The following GRM1 variants were observed in gnomAD, a reference collection of about 807,000 sequenced individuals.
The protein encoded by GRM1 is metabotropic glutamate receptor 1.
In GRM1, 33 loss-of-function variants were observed where a neutral mutation model predicts 90.9. The ratio of observed to expected loss-of-function variants is 0.36; its 90% CI spans 0.28 to 0.49. The LOEUF is 0.49. Among genes scored for constraint, GRM1 ranks in the 20% least tolerant of loss-of-function variants. The pLI, the probability that GRM1 is intolerant of heterozygous loss-of-function variation, is 0.99. For missense variants in GRM1, 1,190 were observed against 1,534.3 expected (o/e 0.78, Z 3.75); for synonymous variants, 700 against 613.2 (o/e 1.14, Z -2.09).
At chr6:146,324,398 G>C (rs1021248784) in intron 3 of GRM1, among the ~76,000 whole-genome samples, 2 of 151,984 alleles carry the variant, frequency 1.3e-5, no homozygotes, top group Non-Finnish European at 2.9e-5. Context: ...CCAGGGGAGT[G>C]AACAGTTCTC....
chr6:146,028,232 AGTGTGTGTGTGTGTGTGT>A (rs60190108), upstream of GRM1, among the ~76,000 whole-genome samples: 44 of 130,364 alleles, frequency 3.4e-4, no homozygotes, highest in Admixed American at 2.1e-3. Context: ...AGTGGAAGGG[AGTGTGTGTGTGTGTGTGT>A]GTGTGTGTGT....
intron 3 of GRM1, among the ~76,000 whole-genome samples, chr6:146,335,204 A>C (rs1396570067): frequency 6.6e-6 from 1 of 152,186 alleles, no homozygotes; most frequent in African/African-American, 2.4e-5. Context: ...AGGCTTCAAA[A>C]CTTGGCTGTG....
intron 1 of GRM1, among the ~76,000 whole-genome samples, chr6:146,086,885 AT>A (rs1238088787): frequency 1.3e-5 from 2 of 152,108 alleles, no homozygotes; most frequent in Non-Finnish European, 2.9e-5. Flanking sequence ...CAGGAATGTT[AT>A]TCAGGGAGAT....
At chr6:146,178,960 G>T (rs569252703) in intron 2 of GRM1, among the ~76,000 whole-genome samples, 2 of 152,196 alleles carry the variant, frequency 1.3e-5, no homozygotes, top group African/African-American at 4.8e-5. Flanking sequence ...CTGGGCTGGT[G>T]GTATAAGAAT....
chr6:146,397,484 G>GAAAAAAA (rs577471775), intron 6 of GRM1, among the ~76,000 whole-genome samples: 30 of 45,020 alleles, frequency 6.7e-4, no homozygotes, highest in Non-Finnish European at 9.0e-4. Flanking sequence ...AAAAAAAAAA[G>GAAAAAAA]AAAAAAAAAA....
At chr6:146,035,900 A>G (rs1327256039) in intron 1 of GRM1, among the ~76,000 whole-genome samples, 1 of 152,026 alleles carries the variant, frequency 6.6e-6, no homozygotes, top group Non-Finnish European at 1.5e-5. Flanking sequence ...GAAAAAAATG[A>G]CACTTTCATT....
intron 1 of GRM1, among the ~76,000 whole-genome samples, chr6:146,049,659 CTATCT>C (rs1167946520): frequency 1.7e-3 from 198 of 118,778 alleles, no homozygotes; most frequent in African/African-American, 6.0e-3. Context: ...TCATATCTAT[CTATCT>C]ATCTATCTAT....
chr6:146,256,478 C>G (rs1350235740), intron 2 of GRM1, among the ~76,000 whole-genome samples: 1 of 152,136 alleles, frequency 6.6e-6, no homozygotes, highest in African/African-American at 2.4e-5. Flanking sequence ...CTCCTTCCAT[C>G]TTCCTTTTTC....
At chr6:146,411,751 C>G (rs1322640076) in intron 7 of GRM1, among the ~76,000 whole-genome samples, 1 of 152,094 alleles carries the variant, frequency 6.6e-6, no homozygotes, top group Non-Finnish European at 1.5e-5. Flanking sequence ...TAAAGTTGCT[C>G]AAAAAATTCA....
intron 2 of GRM1, among the ~76,000 whole-genome samples, chr6:146,269,954 G>T (rs1428802064): frequency 2.7e-5 from 4 of 149,232 alleles, no homozygotes; most frequent in Non-Finnish European, 2.9e-5. Context: ...ATGGAATAAT[G>T]TAATGTTTAA....
intron 3 of GRM1, among the ~76,000 whole-genome samples, chr6:146,327,743 C>T (rs1238082167): frequency 6.6e-6 from 1 of 152,144 alleles, no homozygotes; most frequent in Admixed American, 6.5e-5. Flanking sequence ...CTCCAGGCTT[C>T]CGGAAAAGAC....
rs1164507964 is a variant in GRM1 at position 146,270,849 on chromosome 6, T to TTTTCTTTCTTTC, written c.951-33707_951-33696dup. ...TGCCTGCCTGCCTGCCTTTCTTTCT[T>TTTTCTTTCTTTC]TTTCTTTCTTTCTTTCTTTCTTTCT... On this transcript the variant is annotated intron_variant, in intron 2 of 7. Coordinates refer to ENST00000282753, the MANE Select transcript of GRM1 (RefSeq NM_001278064.2). Among the ~76,000 whole-genome samples, 817 of 91,692 alleles carry TTTTCTTTCTTTC rather than the reference T, an allele frequency of 8.9e-3. 53 individuals carry two copies. Among genetic ancestry groups the TTTTCTTTCTTTC allele is most frequent in the East Asian group, 0.024 (63 of 2,664 alleles). 60.2% of individuals were successfully genotyped at this position (91,692 alleles called of 152,430 possible).
chr6:146,416,098 TTA>T (rs1777773022), intron 7 of GRM1, among the ~76,000 whole-genome samples: 1 of 152,294 alleles, frequency 6.6e-6, no homozygotes, highest in South Asian at 2.1e-4. Flanking sequence ...CCTTTTGTGT[TTA>T]TATGTTTAAG....
At chr6:146,405,692 G>C (rs2114607406) in intron 7 of GRM1, among the ~76,000 whole-genome samples, 1 of 146,506 alleles carries the variant, frequency 6.8e-6, no homozygotes, top group African/African-American at 2.7e-5. Context: ...CAGCTCTGTT[G>C]TGTTTTTTTG....
intron 1 of GRM1, 108 bp downstream of exon 1, chr6:146,030,325 C>T: frequency 1.2e-6 from 1 of 840,542 alleles, no homozygotes; most frequent in Non-Finnish European, 2.0e-6. Flanking sequence ...CTGTGGGGAA[C>T]GGAGTTTACC....
intron 2 of GRM1, among the ~76,000 whole-genome samples, chr6:146,264,009 T>A (rs1475686982): frequency 6.6e-6 from 1 of 152,154 alleles, no homozygotes; most frequent in Non-Finnish European, 1.5e-5. Flanking sequence ...TAAATTAACA[T>A]CTTAATGAAA....
intron 1 of GRM1, among the ~76,000 whole-genome samples, chr6:146,046,615 A>G (rs1037239987): frequency 2.6e-5 from 4 of 152,012 alleles, no homozygotes; most frequent in African/African-American, 9.7e-5. Flanking sequence ...TTTATTTTAT[A>G]AAAACTGCTC....
chr6:146,119,544 G>A (rs1413455756), intron 1 of GRM1, among the ~76,000 whole-genome samples: 2 of 152,094 alleles, frequency 1.3e-5, no homozygotes, highest in Non-Finnish European at 2.9e-5. Context: ...GTATTGCCTA[G>A]GTTTTCTTCT....
intron 1 of GRM1, among the ~76,000 whole-genome samples, chr6:146,048,655 G>C (rs1294120799): frequency 6.6e-6 from 1 of 151,854 alleles, no homozygotes; most frequent in South Asian, 2.1e-4. Context: ...ATATCATTAG[G>C]GTGGGCCCCA....
Sources: allele counts gnomAD v4.1 joint callset (sites outside exome capture counted in the v4.1 genomes callset), GRCh38; gene constraint gnomAD v4.1.1; transcripts MANE v1.5; gene names NCBI Gene and HGNC (gene_info 2026-07-23, HGNC 2026-07-21).